ADGRL3: variants seen among roughly 807,000 people sequenced by gnomAD.
The protein encoded by ADGRL3 is calcium-independent alpha-latrotoxin receptor 3.
In ADGRL3, 62 loss-of-function variants were observed where a neutral mutation model predicts 153.5. That is an observed-to-expected ratio of 0.40 (90% CI 0.33 to 0.50). ADGRL3 has a LOEUF of 0.50. Among genes scored for constraint, ADGRL3 ranks in the 20% least tolerant of loss-of-function variants. ADGRL3 has a pLI of 0.47. For synonymous variants in ADGRL3, 710 were observed against 672.5 expected, an observed-to-expected ratio of 1.06 and a Z score of -0.86; for missense variants, 1,641 against 1,859.4, an observed-to-expected ratio of 0.88 and a Z score of 2.16.
intron 25 of ADGRL3, among the ~76,000 whole-genome samples, chr4:62,056,740 A>G (rs2151817873): frequency 6.6e-6 from 1 of 152,264 alleles, no homozygotes; most frequent in African/African-American, 2.4e-5. Context: ...TAATGTATAT[A>G]TTAGAAATGA....
chr4:61,599,678 A>T (rs2099003027), intron 5 of ADGRL3, among the ~76,000 whole-genome samples: 1 of 152,060 alleles, frequency 6.6e-6, no homozygotes, highest in South Asian at 2.1e-4. Context: ...AGCTGGAGGG[A>T]CAGATAGAGT....
At chr4:61,526,306 G>C (rs2098558389) in intron 4 of ADGRL3, among the ~76,000 whole-genome samples, 1 of 152,092 alleles carries the variant, frequency 6.6e-6, no homozygotes, top group Admixed American at 6.6e-5. Flanking sequence ...TTTTTAAGGA[G>C]AGCAAGTAGT....
intron 11 of ADGRL3, among the ~76,000 whole-genome samples, chr4:61,909,040 C>T (rs2098709838): frequency 6.6e-6 from 1 of 152,078 alleles, no homozygotes; most frequent in African/African-American, 2.4e-5. Flanking sequence ...ATACTGGGAG[C>T]AAAATTCCTT....
chr4:61,329,642 T>A (rs2095531620), intron 1 of ADGRL3, among the ~76,000 whole-genome samples: 1 of 152,204 alleles, frequency 6.6e-6, no homozygotes, highest in South Asian at 2.1e-4. Flanking sequence ...ACAGAATTGA[T>A]GTTCAGTAAA....
chr4:61,981,743 G>A (rs1056689948), intron 18 of ADGRL3, among the ~76,000 whole-genome samples: 3 of 152,098 alleles, frequency 2.0e-5, no homozygotes, highest in African/African-American at 7.2e-5. Context: ...GTTTCATTTT[G>A]TAGAAGGCTT....
In ADGRL3 at chr4:61,993,528, G is replaced by T. The variant is rs982923709; in HGVS notation, c.3237-2763G>T. Among the ~76,000 whole-genome samples, 8 of 151,864 alleles carry T rather than the reference G, an allele frequency of 5.3e-5. No individual in the cohort carries two copies. The South Asian group carries it at 1.7e-3, about 32-fold the overall frequency. Reference sequence around the variant, plus strand: ...ACTGGTCTCGAACTCCTGACCTCAAGTGATCTACCCACCTCGGCCTCCCAA... The same window carrying T: ...ACTGGTCTCGAACTCCTGACCTCAATTGATCTACCCACCTCGGCCTCCCAA... On this transcript the variant is annotated intron_variant, in intron 19 of 26. Coordinates refer to ENST00000683033, the MANE Select transcript of ADGRL3 (RefSeq NM_001387552.1).
At chr4:61,278,809 G>T (rs555958927) in intron 1 of ADGRL3, among the ~76,000 whole-genome samples, 1 of 152,116 alleles carries the variant, frequency 6.6e-6, no homozygotes, top group Non-Finnish European at 1.5e-5. Flanking sequence ...CCTGGCCGTG[G>T]TACTACTTCA....
rs762379168 is a variant in ADGRL3, at chr4:61,794,168, T to C, written c.1400-19641T>C. 5.6e-4 allele frequency among the ~76,000 whole-genome samples: 85 copies of C among 152,320 alleles called. No individual in the cohort carries two copies. The Middle Eastern group carries it at 0.01, about 18-fold the overall frequency. On this transcript the variant is annotated intron_variant, in intron 8 of 26. Coordinates refer to ENST00000683033, the MANE Select transcript of ADGRL3 (RefSeq NM_001387552.1). The stretch of plus-strand genomic sequence containing the variant: ...TAGTTATTTTTGTTGTTAAAGAGTT[T>C]TAAACACGTGAACTAGTTTCATTGA...
intron 1 of ADGRL3, among the ~76,000 whole-genome samples, chr4:61,208,055 T>G (rs1738151570): frequency 6.6e-6 from 1 of 152,158 alleles, no homozygotes; most frequent in African/African-American, 2.4e-5. Flanking sequence ...TTTTAGATTT[T>G]TTGTCCCCAT....
chr4:61,989,284 TTAAGGAGTATTTTGC>T (rs1041769865), intron 19 of ADGRL3, among the ~76,000 whole-genome samples: 3 of 152,080 alleles, frequency 2.0e-5, no homozygotes, highest in Middle Eastern at 3.2e-3. Context: ...ATATTTTCAC[TTAAGGAGTATTTTGC>T]TAAGCAATTA....
At chr4:61,377,459 T>C (rs1179576398) in intron 1 of ADGRL3, among the ~76,000 whole-genome samples, 2 of 152,034 alleles carry the variant, frequency 1.3e-5, no homozygotes, top group East Asian at 3.9e-4. Flanking sequence ...TTGTACATTT[T>C]TATGTCCTTT....
chr4:61,242,924 C>T (rs983936965), intron 1 of ADGRL3, among the ~76,000 whole-genome samples: 13 of 151,964 alleles, frequency 8.6e-5, no homozygotes, highest in South Asian at 6.2e-4. Flanking sequence ...CGCTTTTTAG[C>T]GTGCAAACCA....
At chr4:61,948,042 C>A in intron 16 of ADGRL3, 58 bp from the exon 17 acceptor site, 5 of 1,407,370 alleles carry the variant, frequency 3.6e-6, no homozygotes, top group Non-Finnish European at 3.9e-6. Context: ...AAAATGCCAA[C>A]CTAATTTACA....
At chr4:61,382,063 T>C (rs1261574516) in intron 1 of ADGRL3, among the ~76,000 whole-genome samples, 1 of 151,986 alleles carries the variant, frequency 6.6e-6, no homozygotes, top group Non-Finnish European at 1.5e-5. Context: ...CTTATTTTAA[T>C]CAATAGTGAT....
chr4:61,843,142 A>G (rs758481309), intron 9 of ADGRL3, among the ~76,000 whole-genome samples: 1 of 152,162 alleles, frequency 6.6e-6, no homozygotes, highest in Non-Finnish European at 1.5e-5. Flanking sequence ...AGACAGAGAG[A>G]CTGATTCACT....
chr4:61,966,061 T>A (rs1420511277), intron 17 of ADGRL3, among the ~76,000 whole-genome samples: 1 of 152,206 alleles, frequency 6.6e-6, no homozygotes, highest in Admixed American at 6.5e-5. Flanking sequence ...CATTTATTCA[T>A]GAGAATGTAA....
At chr4:61,617,931 G>T (rs999354397) in intron 5 of ADGRL3, among the ~76,000 whole-genome samples, 1 of 152,176 alleles carries the variant, frequency 6.6e-6, no homozygotes, top group Non-Finnish European at 1.5e-5. Context: ...CAAATTTGCA[G>T]CAATGAACAT....
At chr4:61,869,972 GAGAA>G (rs1390570344) in intron 9 of ADGRL3, among the ~76,000 whole-genome samples, 7 of 68,542 alleles carry the variant, frequency 1.0e-4, no homozygotes, top group African/African-American at 3.3e-4. Flanking sequence ...GAGAGAGAGA[GAGAA>G]AGAGAGAGAG....
At position 61,973,025 on chromosome 4, in the gene ADGRL3, C is replaced by A. The variant is rs902131648; in HGVS notation, c.2806-6538C>A. Reference sequence around the variant, plus strand: ...TCAAAAAAGAAGAAAAAAAACCTATCCAGAAGCATTCACAATTAATTTGTA... The same window carrying A: ...TCAAAAAAGAAGAAAAAAAACCTATACAGAAGCATTCACAATTAATTTGTA... On this transcript the variant is annotated intron_variant, in intron 17 of 26. Coordinates refer to ENST00000683033, the MANE Select transcript of ADGRL3 (RefSeq NM_001387552.1). 4.0e-5 allele frequency among the ~76,000 whole-genome samples: 6 copies of A among 151,828 alleles called. No individual in the cohort carries two copies. The South Asian group carries it at 8.3e-4, about 21-fold the overall frequency.
Sources: allele counts gnomAD v4.1 joint callset (sites outside exome capture counted in the v4.1 genomes callset), GRCh38; gene constraint gnomAD v4.1.1; transcripts MANE v1.5; gene names NCBI Gene and HGNC (gene_info 2026-07-23, HGNC 2026-07-21).